The following TRPM3 variants were observed in gnomAD, a reference collection of about 807,000 sequenced individuals.
The protein encoded by TRPM3 is transient receptor potential cation channel subfamily M member 3, also known as long transient receptor potential channel 3.
In TRPM3, 77 loss-of-function variants were observed where a neutral mutation model predicts 181.2. The ratio of observed to expected loss-of-function variants is 0.42; its 90% confidence interval spans 0.35 to 0.51. The LOEUF is 0.51. TRPM3 is among the 20% of genes least tolerant of loss of function. The pLI is 0.01. For missense variants in TRPM3, 1,759 were observed against 2,196.7 expected (o/e 0.80, Z 3.98); for synonymous variants, 745 against 796.4 (o/e 0.94, Z 1.09).
chr9:71,078,154 G>A (rs1439788007), intron 1 of TRPM3, among the ~76,000 whole-genome samples: 1 of 152,034 alleles, frequency 6.6e-6, no homozygotes, highest in East Asian at 1.9e-4. Context: ...AAATAGTACA[G>A]ATAAACTGCA....
chr9:71,004,281 C>G (rs2097649717), intron 1 of TRPM3, among the ~76,000 whole-genome samples: 2 of 152,246 alleles, frequency 1.3e-5, no homozygotes, highest in Admixed American at 1.3e-4. Flanking sequence ...TGGAGCCTTC[C>G]CTTGACCTGG....
At chr9:71,290,332 T>C (rs2085699572) in intron 1 of TRPM3, among the ~76,000 whole-genome samples, 1 of 152,018 alleles carries the variant, frequency 6.6e-6, no homozygotes, top group African/African-American at 2.4e-5. Flanking sequence ...AGAAAGATAT[T>C]AAAATTGGCA....
At chr9:71,116,198 A>G (rs2072336902) in intron 1 of TRPM3, among the ~76,000 whole-genome samples, 1 of 152,140 alleles carries the variant, frequency 6.6e-6, no homozygotes, top group African/African-American at 2.4e-5. Flanking sequence ...TCACTGATAT[A>G]TTCACCTAGA....
chr9:71,370,712 C>T (rs1270574584), intron 1 of TRPM3, among the ~76,000 whole-genome samples: 1 of 152,178 alleles, frequency 6.6e-6, no homozygotes, highest in Non-Finnish European at 1.5e-5. Context: ...ATTCAGAGAT[C>T]TAGATACAAT....
chr9:71,288,046 T>A (rs890348353), intron 1 of TRPM3, among the ~76,000 whole-genome samples: 17 of 152,262 alleles, frequency 1.1e-4, no homozygotes, highest in African/African-American at 4.1e-4. Flanking sequence ...CAGAAAATAC[T>A]ACATATTAAA....
intron 24 of TRPM3, 102 bp downstream of exon 24, chr9:70,552,742 G>A (rs2131860277): frequency 2.5e-6 from 3 of 1,208,990 alleles, no homozygotes; most frequent in Middle Eastern, 2.7e-4. Flanking sequence ...CAGCCTGCAA[G>A]AGGTAGGAGG....
chr9:70,610,940 A>AGAT lies in TRPM3; in HGVS notation c.2527-194_2527-192dup, dbSNP rs548060424. 2.3e-3 allele frequency among the ~76,000 whole-genome samples: 355 copies of AGAT among 152,288 alleles called. 1 individual carries two copies. The highest frequency in any genetic ancestry group is 7.7e-3 in the African/African-American group (322 of 41,550). The stretch of plus-strand genomic sequence containing the variant: ...ATAATCTGTGAATACCCTTTGCCTG[A>AGAT]GATGGAAGGCCTTGGGTGTATTTCT... On this transcript the variant is annotated intron_variant, in intron 18 of 25. Transcript: ENST00000677713.
intron 1 of TRPM3, among the ~76,000 whole-genome samples, chr9:71,018,953 G>A (rs977400158): frequency 6.6e-6 from 1 of 151,738 alleles, no homozygotes; most frequent in South Asian, 2.1e-4. Context: ...ACCAAGTCAG[G>A]TTCATTTCAG....
At chr9:71,090,100 A>G (rs1419560471) in intron 1 of TRPM3, among the ~76,000 whole-genome samples, 1 of 152,176 alleles carries the variant, frequency 6.6e-6, no homozygotes, top group African/African-American at 2.4e-5. Context: ...ACAGGACAGC[A>G]TAGGGCAGGG....
chr9:70,842,088 G>A (rs2094707192), intron 5 of TRPM3, among the ~76,000 whole-genome samples: 1 of 152,036 alleles, frequency 6.6e-6, no homozygotes, highest in Non-Finnish European at 1.5e-5. Flanking sequence ...GGCCAACAGA[G>A]TTTGTTTACT....
At chr9:71,361,091 AT>A (rs2092124818) in intron 1 of TRPM3, among the ~76,000 whole-genome samples, 1 of 152,096 alleles carries the variant, frequency 6.6e-6, no homozygotes, top group South Asian at 2.1e-4. Context: ...GGTTCAAGTG[AT>A]TTTCCTGCCT....
chr9:71,420,721 AAGAG>A lies in TRPM3; in HGVS notation c.183+25928_183+25931del, dbSNP rs760245264. On this transcript the variant is annotated intron_variant, in intron 1 of 24. Coordinates refer to the TRPM3 transcript ENST00000357533. ...AGAAAGAGAGAGAAAGAAAGAGAGAAAGAGAGAGAGAGAGAAAGAGAGAGAAAGA... is the reference window on the plus strand; with the variant it reads ...AGAAAGAGAGAGAAAGAAAGAGAGAAAGAGAGAGAGAAAGAGAGAGAAAGA... Among the ~76,000 whole-genome samples, 13 of 76,682 alleles carry A rather than the reference AAGAG, an allele frequency of 1.7e-4. 1 individual carries two copies. The South Asian group carries it at 2.1e-3, about 12-fold the overall frequency. The allele number at this position is 76,682 out of a possible 152,430, so 50.3% of individuals were successfully genotyped here. A position where few individuals can be genotyped will look rare whatever the true frequency, so the allele number is the denominator to read the frequency against.
chr9:71,304,701 G>T (rs1239390944), intron 1 of TRPM3, among the ~76,000 whole-genome samples: 2 of 152,158 alleles, frequency 1.3e-5, no homozygotes, highest in East Asian at 1.9e-4. Flanking sequence ...AAGTTATTTT[G>T]CAGAGCAGCG....
chr9:71,382,846 T>C (rs1377254985), intron 1 of TRPM3, among the ~76,000 whole-genome samples: 1 of 152,018 alleles, frequency 6.6e-6, no homozygotes, highest in Non-Finnish European at 1.5e-5. Context: ...GGCATCATAC[T>C]CATCAACCAC....
chr9:71,329,752 A>G (rs1364693490), intron 1 of TRPM3, among the ~76,000 whole-genome samples: 1 of 152,126 alleles, frequency 6.6e-6, no homozygotes, highest in Admixed American at 6.5e-5. Flanking sequence ...AAGAAAAGAG[A>G]TATATGCCTG....
chr9:71,300,809 T>G (rs948414320), intron 1 of TRPM3, among the ~76,000 whole-genome samples: 15 of 152,160 alleles, frequency 9.9e-5, no homozygotes, highest in Non-Finnish European at 2.9e-5. Flanking sequence ...AAAAATCTTC[T>G]AAAGCCAATA....
intron 1 of TRPM3, among the ~76,000 whole-genome samples, chr9:71,200,390 C>T (rs12378823): frequency 0.42 from 62,736 of 148,324 alleles, 13,701 homozygotes; most frequent in East Asian, 0.51. Flanking sequence ...CTATTAGGCC[C>T]GCTTGGTGCA....
At chr9:71,065,652 A>G (rs1245522591) in intron 1 of TRPM3, among the ~76,000 whole-genome samples, 1 of 152,214 alleles carries the variant, frequency 6.6e-6, no homozygotes, top group Non-Finnish European at 1.5e-5. Flanking sequence ...AATATCACTC[A>G]TCAAATCACT....
At chr9:71,333,547 G>T (rs1366239534) in intron 1 of TRPM3, among the ~76,000 whole-genome samples, 1 of 151,970 alleles carries the variant, frequency 6.6e-6, no homozygotes, top group African/African-American at 2.4e-5. Flanking sequence ...CCTGTGGGGA[G>T]GCCCCTGTGA....
Sources: allele counts gnomAD v4.1 joint callset (sites outside exome capture counted in the v4.1 genomes callset), GRCh38; gene constraint gnomAD v4.1.1; transcripts MANE v1.5; gene names NCBI Gene and HGNC (gene_info 2026-07-23, HGNC 2026-07-21).